The following TOP1 variants were observed in gnomAD, a reference collection of about 807,000 sequenced individuals.
TOP1 encodes DNA topoisomerase 1.
A neutral mutation model predicts 111.1 loss-of-function variants in TOP1; 10 were observed. The ratio of observed to expected loss-of-function variants is 0.09; its 90% confidence interval spans 0.06 to 0.15. The LOEUF is 0.15. Among genes scored for constraint, TOP1 ranks in the 10% least tolerant of loss-of-function variants. The probability of loss-of-function intolerance (pLI) is 1.00; values close to 1 mark genes in which losing one functional copy is unlikely to be tolerated. For missense variants in TOP1, 474 were observed against 926.7 expected, an observed-to-expected ratio of 0.51 and a Z score of 6.34; for synonymous variants, 271 against 302.9, an observed-to-expected ratio of 0.89 and a Z score of 1.10.
chr20:41,089,644 A>G (rs2033894631), intron 8 of TOP1, among the ~76,000 whole-genome samples: 1 of 152,182 alleles, frequency 6.6e-6, no homozygotes, highest in African/African-American at 2.4e-5. Context: ...TTGAATATTG[A>G]GTATATTCCT....
At chr20:41,075,046 GATATATTACAGTTTCCCCT>G (rs2033709853) in intron 3 of TOP1, among the ~76,000 whole-genome samples, 1 of 152,120 alleles carries the variant, frequency 6.6e-6, no homozygotes, top group Non-Finnish European at 1.5e-5. Context: ...TAAATAATTT[GATATATTACAGTTTCCCCT>G]CTTGTTAGGT....
chr20:41,121,713 A>G lies in TOP1; in HGVS notation c.1968A>G (p.Glu656=), dbSNP rs112642332. The G allele has an allele frequency of 3.7e-6, 6 of 1,614,060 alleles. No homozygotes were observed. The African/African-American group carries it at 5.3e-5, about 14-fold the overall frequency. ...TCCCCTAGATTGATGCCAAGAAGGAACAGCTAGCAGATGCCCGGAGAGACC... is the reference window on the plus strand; with the variant it reads ...TCCCCTAGATTGATGCCAAGAAGGAGCAGCTAGCAGATGCCCGGAGAGACC... ...NLQTKIDAKK[E]QLADARRDLK... The change falls in exon 19 of 21, where the codon GAA becomes GAG. Residue 656 remains glutamate, a synonymous_variant. Coordinates refer to ENST00000361337, the MANE Select transcript of TOP1 (RefSeq NM_003286.4). The surrounding 1 kb of genome is among the most constrained non-coding windows in gnomAD (Gnocchi z 4.2).
intron 3 of TOP1, among the ~76,000 whole-genome samples, chr20:41,065,123 T>C (rs2033591687): frequency 1.3e-5 from 2 of 152,194 alleles, no homozygotes; most frequent in African/African-American, 4.8e-5. Flanking sequence ...TAGGCTGGTC[T>C]CAAACTCCTG....
intron 13 of TOP1, among the ~76,000 whole-genome samples, chr20:41,108,891 C>G (rs546498150): frequency 5.3e-5 from 8 of 152,320 alleles, no homozygotes; most frequent in African/African-American, 1.9e-4. Context: ...ATTACCTGCT[C>G]TCACAACCCA....
intron 11 of TOP1, 114 bp from the exon 12 acceptor site, chr20:41,099,942 T>C: frequency 1.5e-6 from 1 of 654,908 alleles, no homozygotes; most frequent in South Asian, 3.1e-5. Context: ...ATTTATTTTT[T>C]AGTGATTTTT....
chr20:41,035,071 G>A (rs886935115), intron 2 of TOP1, among the ~76,000 whole-genome samples: 6 of 151,992 alleles, frequency 3.9e-5, no homozygotes, highest in Non-Finnish European at 7.4e-5. Flanking sequence ...TGCATTTTTT[G>A]TAGAGACGAG....
Position 41,097,930 on chromosome 20 carries a change from A to C in TOP1, c.853-285A>C, listed in dbSNP as rs1042366999. On this transcript the variant is annotated intron_variant, in intron 10 of 20. Coordinates refer to ENST00000361337, the MANE Select transcript of TOP1 (RefSeq NM_003286.4). The surrounding 1 kb of genome is among the most constrained non-coding windows in gnomAD (Gnocchi z 4.2). ...TATGGGATTTCAAACTTGTATTCAT[A>C]ATGCCTGGGGGCTGTGTGCCACGGA... Among the ~76,000 whole-genome samples the C allele has an allele frequency of 6.6e-6, 1 of 152,230 alleles. No individual in the cohort carries two copies. Among genetic ancestry groups the C allele is most frequent in the Non-Finnish European group, 1.5e-5 (1 of 68,040 alleles).
chr20:41,056,474 A>G (rs1194668709), intron 2 of TOP1, among the ~76,000 whole-genome samples: 1 of 152,206 alleles, frequency 6.6e-6, no homozygotes, highest in Middle Eastern at 3.2e-3. Context: ...CAGCACACAT[A>G]GCACATGTAA....
At chr20:41,048,652 A>G (rs963617791) in intron 2 of TOP1, among the ~76,000 whole-genome samples, 5 of 152,252 alleles carry the variant, frequency 3.3e-5, no homozygotes, top group African/African-American at 1.2e-4. Context: ...AGTTTTTGGC[A>G]TAATAATAAA....
chr20:41,076,110 G>A (rs1283457096), intron 3 of TOP1, 61 bp from the exon 4 acceptor site: 1 of 1,546,292 alleles, frequency 6.5e-7, no homozygotes, highest in Non-Finnish European at 8.7e-7. Context: ...AGGATATCTT[G>A]TGAAACGAAT....
rs933501553 is a variant in TOP1 at position 41,098,116 on chromosome 20, C to T, written c.853-99C>T. The T allele has an allele frequency of 7.8e-7, 1 of 1,289,048 alleles. No individual in the cohort carries two copies. Among genetic ancestry groups the T allele is most frequent in the Non-Finnish European group, 1.1e-6 (1 of 905,572 alleles). 79.9% of individuals were successfully genotyped at this position (1,289,048 alleles called of 1,614,324 possible). A position where few individuals can be genotyped will look rare whatever the true frequency, so the allele number is the denominator to read the frequency against. Reference sequence around the variant, plus strand: ...ATTGGCTACTTCCAGAAACCTTTGACTGAAAAAATGGTGCTTGGGTGTATT... The same window carrying T: ...ATTGGCTACTTCCAGAAACCTTTGATTGAAAAAATGGTGCTTGGGTGTATT... On this transcript the variant is annotated intron_variant, in intron 10 of 20. Coordinates refer to ENST00000361337, the MANE Select transcript of TOP1 (RefSeq NM_003286.4). This position sits in a 1 kb window ranked among gnomAD's most constrained non-coding sequence, Gnocchi z 5.7.
intron 8 of TOP1, among the ~76,000 whole-genome samples, chr20:41,087,611 T>C (rs1405303555): frequency 6.6e-6 from 1 of 152,236 alleles, no homozygotes; most frequent in Non-Finnish European, 1.5e-5. Flanking sequence ...TTATGGAATA[T>C]GGATTATTGA....
intron 2 of TOP1, among the ~76,000 whole-genome samples, chr20:41,036,084 A>G (rs1481449662): frequency 6.6e-6 from 1 of 152,250 alleles, no homozygotes; most frequent in African/African-American, 2.4e-5. Context: ...TATAGATTGC[A>G]TAGGCTTATG....
At chr20:41,117,763 A>G (rs6129760) in intron 17 of TOP1, among the ~76,000 whole-genome samples, 67,566 of 151,662 alleles carry the variant, frequency 0.45, 17,266 homozygotes, top group East Asian at 0.82. Flanking sequence ...GGGAGGTAGG[A>G]AGTGGCCAGT....
intron 3 of TOP1, among the ~76,000 whole-genome samples, chr20:41,070,008 C>T (rs2033651532): frequency 6.6e-6 from 1 of 152,200 alleles, no homozygotes; most frequent in Non-Finnish European, 1.5e-5. Context: ...AAAAAAGTGG[C>T]TTGAGGCAAA....
At position 41,093,333 on chromosome 20, in the gene TOP1, T is replaced by A. The variant is rs1177070572; in HGVS notation, c.730+746T>A. On this transcript the variant is annotated intron_variant, in intron 9 of 20. Coordinates refer to ENST00000361337, the MANE Select transcript of TOP1 (RefSeq NM_003286.4). ...GAAATGGTTAGAGCATTGTTCCTCA[T>A]ACCCTTATGTGCTTATGACTCACCA... 5.3e-5 allele frequency among the ~76,000 whole-genome samples: 8 copies of A among 152,198 alleles called. 1 individual carries two copies. The East Asian group carries it at 1.2e-3, about 22-fold the overall frequency.
In TOP1 at chr20:41,069,968, C is replaced by T. The variant is rs2033651128; in HGVS notation, c.156-6203C>T. On this transcript the variant is annotated intron_variant, in intron 3 of 20. Coordinates refer to ENST00000361337, the MANE Select transcript of TOP1 (RefSeq NM_003286.4). This position sits in a 1 kb window ranked among gnomAD's most constrained non-coding sequence, Gnocchi z 4.1. ...GGGAGGAATCTAGTTAGGTGGGTTA[C>T]ACAGGGTGGAATAGTAGAAAATGAG... Among the ~76,000 whole-genome samples, 1 of 151,972 alleles carries T rather than the reference C, an allele frequency of 6.6e-6. No individual in the cohort carries two copies. The highest frequency in any genetic ancestry group is 6.6e-5 in the Admixed American group (1 of 15,256).
intron 3 of TOP1, among the ~76,000 whole-genome samples, chr20:41,068,776 G>A (rs532537797): frequency 1.1e-4 from 17 of 152,236 alleles, no homozygotes; most frequent in South Asian, 8.3e-4. Flanking sequence ...AGGATCTCAC[G>A]AGCTACCTTT....
At chr20:41,077,748 T>G in intron 5 of TOP1, 111 bp downstream of exon 5, 1 of 979,688 alleles carries the variant, frequency 1.0e-6, no homozygotes, top group Non-Finnish European at 1.6e-6. Context: ...CTGGCCATCT[T>G]GATGGTTCCC....
Sources: allele counts gnomAD v4.1 joint callset (sites outside exome capture counted in the v4.1 genomes callset), GRCh38; gene constraint gnomAD v4.1.1; non-coding constraint Gnocchi (gnomAD v3.1); transcripts MANE v1.5; gene names NCBI Gene and HGNC (gene_info 2026-07-23, HGNC 2026-07-21).